UGT1A3: variants seen among roughly 807,000 people sequenced by gnomAD.
UGT1A3 encodes the protein UDP-glucuronosyltransferase 1A3.
Under a neutral mutation model 41.0 loss-of-function variants are expected in UGT1A3, and 31 were observed. The ratio of observed to expected loss-of-function variants is 0.76; its 90% CI spans 0.57 to 1.02. The LOEUF (loss-of-function observed/expected upper bound fraction) is 1.02. UGT1A3 is among the 50% of genes least tolerant of loss of function. The pLI is 0.00. For missense variants in UGT1A3, 737 were observed against 671.0 expected (o/e 1.10, Z -1.09); for synonymous variants, 262 against 257.6 (o/e 1.02, Z -0.17).
chr2:233,744,810 C>A (rs79404275), intron 1 of UGT1A3, among the ~76,000 whole-genome samples: 3 of 151,852 alleles, frequency 2.0e-5, no homozygotes, highest in African/African-American at 7.3e-5. Context: ...CTAGGATTTC[C>A]TGGCTCATAC....
In UGT1A3 at chr2:233,729,814, C is replaced by A. The variant is rs776482922; in HGVS notation, c.688C>A (p.Pro230Thr). The A allele has an allele frequency of 5.0e-6, 8 of 1,613,896 alleles. No individual in the cohort carries two copies. Among genetic ancestry groups the A allele is most frequent in the Non-Finnish European group, 6.8e-6 (8 of 1,179,856 alleles). Reference sequence around the variant, plus strand: ...CTACATTTGCCATGCTTTTTCTGCTCCTTATGCAAGCCTTGCCTCTGAGCT... The same window carrying A: ...CTACATTTGCCATGCTTTTTCTGCTACTTATGCAAGCCTTGCCTCTGAGCT... ...LSYICHAFSA[P>T]YASLASELFQ... The change falls in exon 1 of 5, where the codon CCT becomes ACT. Residue 230 changes from proline to threonine, a missense_variant. Coordinates refer to ENST00000482026, the MANE Select transcript of UGT1A3 (RefSeq NM_019093.4).
At chr2:233,749,645 C>T (rs1375243273) in intron 1 of UGT1A3, among the ~76,000 whole-genome samples, 7 of 151,834 alleles carry the variant, frequency 4.6e-5, no homozygotes, top group Non-Finnish European at 1.0e-4. Flanking sequence ...CAAATCTCAT[C>T]TTGAATTGTA....
intron 1 of UGT1A3, among the ~76,000 whole-genome samples, chr2:233,764,720 G>A (rs1488683607): frequency 6.6e-6 from 1 of 152,208 alleles, no homozygotes; most frequent in African/African-American, 2.4e-5. Flanking sequence ...CCCCAAGAAA[G>A]AGGGAGAGAA....
At chr2:233,756,974 T>G (rs1036999646) in intron 1 of UGT1A3, among the ~76,000 whole-genome samples, 2 of 151,942 alleles carry the variant, frequency 1.3e-5, no homozygotes, top group African/African-American at 4.8e-5. Flanking sequence ...AAGCACGCAA[T>G]GAACAGTCAT....
At chr2:233,742,102 G>T (rs1682785139) in intron 1 of UGT1A3, 1 of 151,856 alleles carries the variant, frequency 6.6e-6, no homozygotes, top group South Asian at 2.1e-4. Context: ...AGGACCCACT[G>T]CCAAGACCAG....
At chr2:233,747,937 A>C in intron 1 of UGT1A3, 1 of 1,613,182 alleles carries the variant, frequency 6.2e-7, no homozygotes, top group Non-Finnish European at 8.5e-7. Flanking sequence ...TTTCAGAGGG[A>C]GGTGTCAGTG....
At chr2:233,752,219 T>C (rs897315678) in intron 1 of UGT1A3, 28 of 152,194 alleles carry the variant, frequency 1.8e-4, no homozygotes, top group African/African-American at 6.0e-4. Context: ...AGAAAAAATA[T>C]CTGGCATTTT....
At position 233,734,224 on chromosome 2, in the gene UGT1A3, G is replaced by T. The variant is rs1427177623; in HGVS notation, c.867+4231G>T. ...AGAGCCTGTTGTTGGTCTATTCAGAGATTCAACTTCTTCCTGCTTTAGTCT... is the reference window on the plus strand; with the variant it reads ...AGAGCCTGTTGTTGGTCTATTCAGATATTCAACTTCTTCCTGCTTTAGTCT... On this transcript the variant is annotated intron_variant, in intron 1 of 4. Coordinates refer to ENST00000482026, the MANE Select transcript of UGT1A3 (RefSeq NM_019093.4). 2.6e-5 allele frequency among the ~76,000 whole-genome samples: 4 copies of T among 152,156 alleles called. No individual in the cohort carries two copies. The East Asian group carries it at 5.8e-4, about 22-fold the overall frequency.
intron 1 of UGT1A3, among the ~76,000 whole-genome samples, chr2:233,746,704 G>A (rs1301844590): frequency 6.6e-6 from 1 of 151,714 alleles, no homozygotes; most frequent in African/African-American, 2.4e-5. Context: ...TAAATATTTG[G>A]TGGATAAGGG....
chr2:233,757,535 A>AATATATATACATATAT (rs376887521), intron 1 of UGT1A3, among the ~76,000 whole-genome samples: 314 of 87,900 alleles, frequency 3.6e-3, no homozygotes, highest in Non-Finnish European at 5.4e-3. Context: ...GCCTGTAAGG[A>AATATATATACATATAT]ATATATATAT....
intron 1 of UGT1A3, among the ~76,000 whole-genome samples, chr2:233,742,519 G>A (rs1399638498): frequency 6.6e-6 from 1 of 151,888 alleles, no homozygotes; most frequent in Admixed American, 6.5e-5. Flanking sequence ...ACACGTCACA[G>A]TGCTGCAGAG....
chr2:233,755,067 T>C (rs1054820279), intron 1 of UGT1A3: 7 of 1,335,636 alleles, frequency 5.2e-6, no homozygotes, highest in Non-Finnish European at 7.0e-6. Flanking sequence ...CGCCTCGCCA[T>C]AGCGGTCATA....
intron 1 of UGT1A3, chr2:233,743,410 C>A: frequency 2.3e-6 from 3 of 1,318,156 alleles, no homozygotes; most frequent in African/African-American, 1.5e-5. Flanking sequence ...AAGGCCCCCA[C>A]TTCCCAGGGA....
chr2:233,751,718 G>C (rs144416943), intron 1 of UGT1A3, among the ~76,000 whole-genome samples: 1 of 152,136 alleles, frequency 6.6e-6, no homozygotes, highest in Non-Finnish European at 1.5e-5. Flanking sequence ...TCACTCACAA[G>C]TGAACTCTTC....
intron 1 of UGT1A3, among the ~76,000 whole-genome samples, chr2:233,764,304 G>T (rs1377470557): frequency 6.6e-6 from 1 of 152,130 alleles, no homozygotes; most frequent in Non-Finnish European, 1.5e-5. Context: ...TCAGGGTGAA[G>T]TTTAAGGGAA....
chr2:233,733,221 G>A (rs531413389), intron 1 of UGT1A3, among the ~76,000 whole-genome samples: 6 of 152,072 alleles, frequency 3.9e-5, no homozygotes, highest in African/African-American at 1.4e-4. Context: ...GAGACAATGG[G>A]GTTTTCTAAA....
At chr2:233,755,824 A>G (rs764510455) in intron 1 of UGT1A3, 1 of 152,240 alleles carries the variant, frequency 6.6e-6, no homozygotes, top group Admixed American at 6.5e-5. Context: ...TTAAAAAGAC[A>G]TATTCATTGG....
chr2:233,743,663 T>C, intron 1 of UGT1A3: 1 of 1,366,972 alleles, frequency 7.3e-7, no homozygotes, highest in Non-Finnish European at 9.8e-7. Flanking sequence ...CTCGAAGGGG[T>C]CCTCGAAGGG....
At chr2:233,756,093 T>C (rs1696120614) in intron 1 of UGT1A3, 1 of 152,228 alleles carries the variant, frequency 6.6e-6, no homozygotes, top group Admixed American at 6.5e-5. Flanking sequence ...TCAAGTAACA[T>C]TATTACGGAA....
Sources: allele counts gnomAD v4.1 joint callset (sites outside exome capture counted in the v4.1 genomes callset), GRCh38; gene constraint gnomAD v4.1.1; transcripts MANE v1.5; gene names NCBI Gene and HGNC (gene_info 2026-07-23, HGNC 2026-07-21).